Variants in AGXT2 observed in about 807,000 individuals in gnomAD.
AGXT2 encodes the protein alanine--glyoxylate aminotransferase 2, also known as alanine--glyoxylate aminotransferase 2, mitochondrial.
A neutral mutation model predicts 62.5 loss-of-function variants in AGXT2; 61 were observed. That is an observed-to-expected ratio of 0.98 (90% CI 0.79 to 1.21). The LOEUF (loss-of-function observed/expected upper bound fraction) is 1.21. AGXT2 is among the 50% of genes most tolerant of loss of function. The pLI is 0.00. For synonymous variants in AGXT2, 243 were observed against 218.7 expected, an observed-to-expected ratio of 1.11 and a Z score of -0.98; for missense variants, 666 against 641.5, an observed-to-expected ratio of 1.04 and a Z score of -0.41.
At chr5:35,031,568 C>A (rs1440998039) in intron 7 of AGXT2, among the ~76,000 whole-genome samples, 7 of 152,226 alleles carry the variant, frequency 4.6e-5, no homozygotes, top group African/African-American at 1.7e-4. Context: ...GATGACAAAT[C>A]AGAGGCAGGG....
chr5:35,033,983 C>T (rs1372914461), intron 5 of AGXT2, among the ~76,000 whole-genome samples: 2 of 152,220 alleles, frequency 1.3e-5, no homozygotes, highest in East Asian at 1.9e-4. Flanking sequence ...TATAAATCAC[C>T]TTATTCTCCA....
At chr5:35,034,445 T>C (rs886750759) in intron 5 of AGXT2, among the ~76,000 whole-genome samples, 14 of 152,204 alleles carry the variant, frequency 9.2e-5, no homozygotes, top group Admixed American at 4.6e-4. Context: ...GTCATAAGGA[T>C]TAAATAAAAT....
At position 34,998,783 on chromosome 5, in the gene AGXT2, A is replaced by C; in HGVS notation, c.1481T>G (p.Val494Gly). ...ACGAAATACTTCTACTGCAAAATCA[A>C]CTTCTGGTTTAGTGATGCACATTGA... ...APSMCITKPE[V>G]DFAVEVFRSA... Residue 494 changes from valine to glycine, a missense_variant, in exon 14 of 14, where the codon GTT becomes GGT. Coordinates refer to ENST00000231420, the MANE Select transcript of AGXT2 (RefSeq NM_031900.4). The C allele has an allele frequency of 1.2e-6, 2 of 1,614,050 alleles. No homozygotes were observed. The highest frequency in any genetic ancestry group is 2.2e-5 in the South Asian group (2 of 91,084).
chr5:35,040,707 G>A (rs961266557), intron 1 of AGXT2, 44 bp from the exon 2 acceptor site: 3 of 1,491,024 alleles, frequency 2.0e-6, no homozygotes, highest in Non-Finnish European at 2.8e-6. Context: ...GCATGACATA[G>A]GTCTGTTTGT....
rs561131393 is a variant in AGXT2, at chr5:35,005,491, C to G, written c.1339-1630G>C. Among the ~76,000 whole-genome samples the G allele has an allele frequency of 1.3e-3, 192 of 152,292 alleles. 1 individual carries two copies. The highest frequency in any genetic ancestry group is 2.4e-3 in the Non-Finnish European group (164 of 68,026). ...TGATCCACCTCAGCCTCCCAAAGTGCTGGGATTACAGGTGTGAGCCACCGT... is the reference window on the plus strand; with the variant it reads ...TGATCCACCTCAGCCTCCCAAAGTGGTGGGATTACAGGTGTGAGCCACCGT... On this transcript the variant is annotated intron_variant, in intron 12 of 13. Transcript: ENST00000231420.
In AGXT2 at chr5:35,015,601, G is replaced by A. The variant is rs575054172; in HGVS notation, c.964-1482C>T. ...ACGGTGGCTCATGCCTGTAATCTCA[G>A]CACTTTGGGAGGCCGAGGTGGGTGG... is the stretch of plus-strand genomic sequence containing the variant. On this transcript the variant is annotated intron_variant, in intron 9 of 13. Transcript: ENST00000231420. Among the ~76,000 whole-genome samples the A allele has an allele frequency of 3.9e-5, 6 of 152,194 alleles. No individual in the cohort carries two copies. In the South Asian group the frequency reaches 1.2e-3, roughly 32 times the overall value.
chr5:35,021,374 G>A lies in AGXT2; in HGVS notation c.963+4389C>T, dbSNP rs1228556907. 6.6e-5 allele frequency among the ~76,000 whole-genome samples: 10 copies of A among 151,460 alleles called. No homozygotes were observed. The South Asian group carries it at 1.9e-3, about 29-fold the overall frequency. On this transcript the variant is annotated intron_variant, in intron 9 of 13. Coordinates refer to ENST00000231420, the MANE Select transcript of AGXT2 (RefSeq NM_031900.4). ...AGCATGGTACTGGTACCAAAACAGA[G>A]ATATAGATCAATGGAACAGAACAGA... is the stretch of plus-strand genomic sequence containing the variant.
intron 9 of AGXT2, among the ~76,000 whole-genome samples, chr5:35,025,103 C>T (rs1037839579): frequency 4.6e-5 from 7 of 152,146 alleles, no homozygotes; most frequent in Non-Finnish European, 8.8e-5. Context: ...AGGCCTGGCA[C>T]GGTGGCTCAC....
At chr5:35,037,214 A>G in intron 3 of AGXT2, 149 bp from the exon 4 acceptor site, 1 of 1,168,282 alleles carries the variant, frequency 8.6e-7, no homozygotes, top group Non-Finnish European at 1.2e-6. Context: ...TCCTTTAACC[A>G]CTAGAGGTGT....
rs540723899 is a variant in AGXT2, at chr5:35,045,813, G to A, written c.88+1992C>T. ...GAAGGAGTCTCACTCTGTCGCCCAG[G>A]CTGGAGTGCAGTGGCGCAATCTCCG... On this transcript the variant is annotated intron_variant, in intron 1 of 13. Coordinates refer to ENST00000231420, the MANE Select transcript of AGXT2 (RefSeq NM_031900.4). Among the ~76,000 whole-genome samples, 3 of 144,568 alleles carry A rather than the reference G, an allele frequency of 2.1e-5. No homozygotes were observed. The Admixed American group carries it at 2.1e-4, about 10-fold the overall frequency. The allele number at this position is 144,568 out of a possible 152,430, so 94.8% of individuals were successfully genotyped here. A position where few individuals can be genotyped will look rare whatever the true frequency, so the allele number is the denominator to read the frequency against.
In AGXT2 at chr5:35,036,963, T is replaced by G; in HGVS notation, c.465A>C (p.Ala155=). The change falls in exon 4 of 14, where the codon GCA becomes GCC. Residue 155 remains alanine (A), a synonymous_variant. Coordinates refer to ENST00000231420, the MANE Select transcript of AGXT2 (RefSeq NM_031900.4). ...PMHEYAEKLA[A]LLPEPLKVIF... ...GTACCTTAAGAGGCTCAGGAAGAAG[T>G]GCGGCAAGCTTCTCTGCATATTCAT... 1 of 1,614,108 alleles carries G rather than the reference T, an allele frequency of 6.2e-7. No homozygotes were observed.
chr5:35,044,477 G>A (rs1768110886), intron 1 of AGXT2, among the ~76,000 whole-genome samples: 1 of 152,320 alleles, frequency 6.6e-6, no homozygotes, highest in African/African-American at 2.4e-5. Flanking sequence ...CGTGCTCTGG[G>A]TGCAAGGATG....
intron 2 of AGXT2, 112 bp from the exon 3 acceptor site, chr5:35,039,620 T>A (rs942097785): frequency 5.2e-6 from 6 of 1,161,912 alleles, no homozygotes; most frequent in Non-Finnish European, 7.5e-6. Context: ...GCTGCTGGCC[T>A]GTAGAGGCTC....
At chr5:35,020,393 T>C (rs1305606512) in intron 9 of AGXT2, among the ~76,000 whole-genome samples, 1 of 152,216 alleles carries the variant, frequency 6.6e-6, no homozygotes, top group African/African-American at 2.4e-5. Flanking sequence ...GAGGGCTTCA[T>C]CCCTGGGATG....
Position 35,032,804 on chromosome 5 carries a change from GA to G in AGXT2, c.696del (p.Arg233ValfsTer41). ...CAGTGGCTTCCTCCCCAAGGGCCAC[GA>G]AAAACATCTGGACACATTGTCTGCA... ...GCQPTMCPDV[F>X]RGPWGGSHCR... On this transcript the variant is annotated frameshift_variant, in exon 7 of 14. Transcript: ENST00000231420. LOFTEE classifies it high-confidence loss of function. 6.2e-7 allele frequency: 1 copy of G among 1,606,518 alleles called. No individual in the cohort carries two copies. The highest frequency in any genetic ancestry group is 8.5e-7 in the Non-Finnish European group (1 of 1,176,346).
Position 34,998,297 on chromosome 5 carries a change from G to T in AGXT2, c.*422C>A. On this transcript the variant is annotated 3_prime_UTR_variant, in exon 14 of 14. Transcript: ENST00000231420. ...CCAGGAATCTCGTCATGAACATATG[G>T]TGTTCTCAGCGCAACAAGAAGACAT... 4.2e-6 allele frequency: 1 copy of T among 240,940 alleles called. No homozygotes were observed. 14.9% of individuals were successfully genotyped at this position (240,940 alleles called of 1,614,324 possible). A position where few individuals can be genotyped will look rare whatever the true frequency, so the allele number is the denominator to read the frequency against.
intron 7 of AGXT2, among the ~76,000 whole-genome samples, chr5:35,028,213 C>G (rs766614854): frequency 6.6e-6 from 1 of 152,034 alleles, no homozygotes; most frequent in Non-Finnish European, 1.5e-5. Context: ...TTTCTTGTAT[C>G]CATGCTTTGA....
At chr5:35,000,677 G>A (rs994173038) in intron 13 of AGXT2, among the ~76,000 whole-genome samples, 15 of 152,152 alleles carry the variant, frequency 9.9e-5, no homozygotes, top group South Asian at 2.1e-4. Context: ...CACCGTGCCC[G>A]GCCTCTCCTG....
In AGXT2 at chr5:35,014,116, G is replaced by A. The variant is rs1355748544; in HGVS notation, c.967C>T (p.Gln323Ter). The change falls in exon 10 of 14, where the codon CAG becomes TAG. Residue 323 changes from glutamine (Q) to a stop codon, truncating the protein, a stop_gained. Transcript: ENST00000231420. LOFTEE classifies it high-confidence loss of function. ...RGGVCIADEV[Q>*]TGFGRLGSHF... ...GAGCCCAACCTTCCAAATCCTGTCT[G>A]CACCTGGGAAAACAAGTTCAAAACC... 1 of 1,614,002 alleles carries A rather than the reference G, an allele frequency of 6.2e-7. No individual in the cohort carries two copies. Among genetic ancestry groups the A allele is most frequent in the Non-Finnish European group, 8.5e-7 (1 of 1,179,972 alleles).
Sources: allele counts gnomAD v4.1 joint callset (sites outside exome capture counted in the v4.1 genomes callset), GRCh38; gene constraint gnomAD v4.1.1; transcripts MANE v1.5; gene names NCBI Gene and HGNC (gene_info 2026-07-23, HGNC 2026-07-21).